SIGLEC7: variants seen among roughly 807,000 people sequenced by gnomAD.
The protein encoded by SIGLEC7 is sialic acid binding Ig like lectin 7.
Under a neutral mutation model 40.8 loss-of-function variants are expected in SIGLEC7, and 33 were observed. The ratio of observed to expected loss-of-function variants is 0.81; its 90% CI spans 0.61 to 1.08. SIGLEC7 has a LOEUF of 1.08. SIGLEC7 is among the 50% of genes least tolerant of loss of function. The probability of loss-of-function intolerance (pLI) is 0.00; values close to 1 mark genes in which losing one functional copy is unlikely to be tolerated. For synonymous variants in SIGLEC7, 242 were observed against 237.6 expected, an observed-to-expected ratio of 1.02 and a Z score of -0.17; for missense variants, 513 against 576.1, an observed-to-expected ratio of 0.89 and a Z score of 1.12.
chr19:51,144,747 A>G, intron 2 of SIGLEC7, 63 bp downstream of exon 2: 1 of 1,591,452 alleles, frequency 6.3e-7, no homozygotes. Flanking sequence ...AGGGCAGAGG[A>G]TGGGGTCAGG....
rs372013306 is a variant in SIGLEC7 at position 51,146,720 on chromosome 19, T to A, written c.1028-34T>A. ...AGGAGAAGAGACCCAGTTCTTGGAGTTGGATCACCAAAACAATTCCAATCC... is the reference window on the plus strand; with the variant it reads ...AGGAGAAGAGACCCAGTTCTTGGAGATGGATCACCAAAACAATTCCAATCC... On this transcript the variant is annotated intron_variant, in intron 4 of 6. Transcript: ENST00000317643. The A allele has an allele frequency of 9.5e-6, 15 of 1,587,098 alleles. No homozygotes were observed. The African/African-American group carries it at 1.5e-4, about 16-fold the overall frequency.
In SIGLEC7 at chr19:51,142,488, T is replaced by G. The variant is rs1487939304; in HGVS notation, c.119T>G (p.Met40Arg). The change falls in exon 1 of 7, where the codon ATG becomes AGG. Residue 40 changes from methionine (M) to arginine (R), a missense_variant. Met to Arg is a moderately conservative substitution (Grantham distance 91). Transcript: ENST00000317643. The surrounding 1 kb of genome is among the most constrained non-coding windows in gnomAD (Gnocchi z 5.0). ...MQSSVTVQEG[M>R]CVHVRCSFSY... ...AGTTCCGTGACCGTGCAAGAGGGCA[T>G]GTGTGTCCATGTGCGCTGCTCCTTC... The G allele has an allele frequency of 1.2e-6, 2 of 1,614,044 alleles. No homozygotes were observed. Among genetic ancestry groups the G allele is most frequent in the Admixed American group, 1.7e-5 (1 of 60,004 alleles).
intron 6 of SIGLEC7, among the ~76,000 whole-genome samples, chr19:51,148,234 T>C (rs7252297): frequency 0.068 from 10,403 of 152,220 alleles, 1,040 homozygotes; most frequent in African/African-American, 0.22. Flanking sequence ...GTTTGTTACA[T>C]ACATAAACTC....
chr19:51,147,462 C>A, intron 6 of SIGLEC7, 145 bp downstream of exon 6: 1 of 636,596 alleles, frequency 1.6e-6, no homozygotes. Flanking sequence ...CTGCAGGATT[C>A]CCCATCTTGC....
intron 6 of SIGLEC7, among the ~76,000 whole-genome samples, chr19:51,148,656 T>C (rs901195267): frequency 1.1e-4 from 16 of 152,228 alleles, no homozygotes; most frequent in Non-Finnish European, 1.9e-4. Flanking sequence ...CATTTGCTTG[T>C]ATGTGTCTTT....
chr19:51,145,810 T>C lies in SIGLEC7; in HGVS notation c.761-45T>C, dbSNP rs1360001767. On this transcript the variant is annotated intron_variant, in intron 3 of 6. Transcript: ENST00000317643. This position sits in a 1 kb window ranked among gnomAD's most constrained non-coding sequence, Gnocchi z 4.3. The stretch of plus-strand genomic sequence containing the variant: ...TCTCATTCTGTATCCTTCCTCCCTG[T>C]TTCAATCACTTTGTCTCTTTGAACC... 1 of 1,608,368 alleles carries C rather than the reference T, an allele frequency of 6.2e-7. No homozygotes were observed. Among genetic ancestry groups the C allele is most frequent in the Non-Finnish European group, 8.5e-7 (1 of 1,176,234 alleles).
rs2092158003 is a variant in SIGLEC7, at chr19:51,153,413, TCCCCATCCAATC to T, written c.*169_*180del. 2.0e-6 allele frequency: 1 copy of T among 489,842 alleles called. No homozygotes were observed. The highest frequency in any genetic ancestry group is 2.0e-5 in the African/African-American group (1 of 50,804). The allele number at this position is 489,842 out of a possible 1,614,324, so 30.3% of individuals were successfully genotyped here. On this transcript the variant is annotated 3_prime_UTR_variant, in exon 7 of 7. Coordinates refer to ENST00000317643, the MANE Select transcript of SIGLEC7 (RefSeq NM_014385.4). ...ATGCCTGATGACCAAACTCTCCCTT[TCCCCATCCAATC>T]GGTCCACACTCCCCGCCCTGGCCTC...
chr19:51,144,774 T>C (rs2092096291), intron 2 of SIGLEC7, 90 bp downstream of exon 2: 1 of 1,580,870 alleles, frequency 6.3e-7, no homozygotes. Context: ...CACTGGGTGC[T>C]GGGTCCCAGA....
intron 1 of SIGLEC7, 69 bp from the exon 2 acceptor site, chr19:51,144,337 G>T (rs2092090742): frequency 1.3e-6 from 2 of 1,524,348 alleles, no homozygotes; most frequent in Non-Finnish European, 1.8e-6. Context: ...CTGAACCAGA[G>T]CCTGAGCTTC....
rs1599837463 is a variant in SIGLEC7, at chr19:51,153,241, A to G, written c.1400A>G (p.Lys467Arg). ...NNEYSEIKIP[K>R] ...GAGTACTCAGAGATCAAGATCCCCA[A>G]GTAAGAAAATGCAGAGGCTCGGGCT... is the stretch of plus-strand genomic sequence containing the variant. The change falls in exon 7 of 7, where the codon AAG (lysine) becomes AGG (arginine). Residue 467 changes from lysine (K) to arginine (R), a missense_variant. Transcript: ENST00000317643. The G allele has an allele frequency of 2.6e-6, 4 of 1,563,350 alleles. No individual in the cohort carries two copies. Among genetic ancestry groups the G allele is most frequent in the East Asian group, 2.3e-5 (1 of 43,330 alleles).
At chr19:51,151,047 G>A (rs986571284) in intron 6 of SIGLEC7, among the ~76,000 whole-genome samples, 11 of 152,158 alleles carry the variant, frequency 7.2e-5, no homozygotes, top group Non-Finnish European at 1.6e-4. Flanking sequence ...ACTGTGTGCA[G>A]AAGAGACCGT....
chr19:51,149,356 C>A (rs1200244477), intron 6 of SIGLEC7, among the ~76,000 whole-genome samples: 1 of 152,182 alleles, frequency 6.6e-6, no homozygotes, highest in African/African-American at 2.4e-5. Context: ...CAGTCCCACT[C>A]AATCTTCTGC....
At chr19:51,149,285 G>C (rs1234585814) in intron 6 of SIGLEC7, among the ~76,000 whole-genome samples, 1 of 152,102 alleles carries the variant, frequency 6.6e-6, no homozygotes, top group Non-Finnish European at 1.5e-5. Flanking sequence ...TTATAGTTTT[G>C]AGTTTTACAT....
chr19:51,145,929 G>A lies in SIGLEC7; in HGVS notation c.835G>A (p.Asp279Asn). 6.2e-7 allele frequency: 1 copy of A among 1,614,178 alleles called. No homozygotes were observed. The highest frequency in any genetic ancestry group is 8.5e-7 in the Non-Finnish European group (1 of 1,180,018). The stretch of plus-strand genomic sequence containing the variant: ...GTCTCTGCGCTTGGTCTGTGCTGTT[G>A]ACAGCAATCCCCCTGCCAGGCTGAG... ...GQSLRLVCAV[D>N]SNPPARLSWT... The change falls in exon 4 of 7, where the codon GAC (aspartate) becomes AAC (asparagine). Residue 279 changes from aspartate to asparagine, a missense_variant. Transcript: ENST00000317643. This position sits in a 1 kb window ranked among gnomAD's most constrained non-coding sequence, Gnocchi z 4.3.
chr19:51,152,236 A>G (rs2092148665), intron 6 of SIGLEC7, among the ~76,000 whole-genome samples: 1 of 151,960 alleles, frequency 6.6e-6, no homozygotes, highest in Admixed American at 6.6e-5. Flanking sequence ...GCATCTTCCA[A>G]TCTCTCTAAG....
intron 6 of SIGLEC7, 26 bp downstream of exon 6, chr19:51,147,343 C>T (rs762258850): frequency 5.7e-6 from 9 of 1,585,160 alleles, no homozygotes; most frequent in Non-Finnish European, 7.7e-6. Flanking sequence ...GTCTCCACAC[C>T]CAGCATCCAG....
chr19:51,150,874 G>A (rs1230035304), intron 6 of SIGLEC7, among the ~76,000 whole-genome samples: 1 of 152,184 alleles, frequency 6.6e-6, no homozygotes, highest in African/African-American at 2.4e-5. Context: ...CTTTGGAGGA[G>A]TTGAGCCTAT....
chr19:51,153,265 C>T lies in SIGLEC7; in HGVS notation c.*20C>T. 1 of 1,531,328 alleles carries T rather than the reference C, an allele frequency of 6.5e-7. No homozygotes were observed. Among genetic ancestry groups the T allele is most frequent in the Non-Finnish European group, 8.8e-7 (1 of 1,135,554 alleles). The allele number at this position is 1,531,328 out of a possible 1,614,324, so 94.9% of individuals were successfully genotyped here. ...AAGTAAGAAAATGCAGAGGCTCGGG[C>T]TTGTTTGAGGGTTCACGACCCCTCC... On this transcript the variant is annotated 3_prime_UTR_variant, in exon 7 of 7. Coordinates refer to ENST00000317643, the MANE Select transcript of SIGLEC7 (RefSeq NM_014385.4).
At chr19:51,144,837 T>G in intron 2 of SIGLEC7, 75 bp from the exon 3 acceptor site, 2 of 1,584,882 alleles carry the variant, frequency 1.3e-6, no homozygotes, top group Non-Finnish European at 1.7e-6. Context: ...TCCCCATTTA[T>G]GCAGCTCCTG....
Sources: allele counts gnomAD v4.1 joint callset (sites outside exome capture counted in the v4.1 genomes callset), GRCh38; gene constraint gnomAD v4.1.1; non-coding constraint Gnocchi (gnomAD v3.1); transcripts MANE v1.5; gene names NCBI Gene and HGNC (gene_info 2026-07-23, HGNC 2026-07-21).